The following PLEKHG4B variants were observed in gnomAD, a reference collection of about 807,000 sequenced individuals.
PLEKHG4B encodes pleckstrin homology and RhoGEF domain containing G4B.
Under a neutral mutation model 121.3 loss-of-function variants are expected in PLEKHG4B, and 111 were observed. That is an observed-to-expected ratio of 0.92 (90% CI 0.78 to 1.07). The LOEUF (loss-of-function observed/expected upper bound fraction) is 1.07, where lower values mean the gene tolerates loss of function less well. PLEKHG4B is among the 50% of genes least tolerant of loss of function. The probability of loss-of-function intolerance (pLI) is 0.00; values close to 1 mark genes in which losing one functional copy is unlikely to be tolerated. For missense variants in PLEKHG4B, 1,831 were observed against 1,757.8 expected (o/e 1.04, Z -0.74); for synonymous variants, 738 against 725.0 (o/e 1.02, Z -0.29).
At chr5:150,878 T>C (rs1457003355) in intron 6 of PLEKHG4B, among the ~76,000 whole-genome samples, 1 of 152,242 alleles carries the variant, frequency 6.6e-6, no homozygotes, top group African/African-American at 2.4e-5. Context: ...TGAAAACTTG[T>C]GTTCACACAA....
At chr5:161,460 C>T (rs2126434167) in intron 11 of PLEKHG4B, among the ~76,000 whole-genome samples, 1 of 152,390 alleles carries the variant, frequency 6.6e-6, no homozygotes, top group East Asian at 1.9e-4. Context: ...CGCAGCCAGG[C>T]TGTCAGCCCT....
chr5:102,830 G>T (rs996378090), intron 1 of PLEKHG4B, among the ~76,000 whole-genome samples: 5 of 152,190 alleles, frequency 3.3e-5, no homozygotes, highest in Non-Finnish European at 1.5e-5. Context: ...AACTCCTAGG[G>T]TGCTCACGGA....
intron 1 of PLEKHG4B, among the ~76,000 whole-genome samples, chr5:101,361 G>A (rs1182138581): frequency 2.4e-5 from 3 of 123,986 alleles, no homozygotes; most frequent in African/African-American, 8.0e-5. Context: ...CTGTAGGGGA[G>A]AGACTGTTGT....
At chr5:109,326 G>T (rs1734066741) in intron 1 of PLEKHG4B, among the ~76,000 whole-genome samples, 1 of 151,154 alleles carries the variant, frequency 6.6e-6, no homozygotes, top group African/African-American at 2.4e-5. Context: ...GAACCCGGGA[G>T]GTGGAGGTTG....
At chr5:119,346 T>C (rs755225772) in intron 2 of PLEKHG4B, among the ~76,000 whole-genome samples, 2 of 152,220 alleles carry the variant, frequency 1.3e-5, no homozygotes, top group Admixed American at 6.5e-5. Flanking sequence ...ACTAAGCTTG[T>C]GGGAGTTATT....
At chr5:147,799 T>C (rs1337224655) in intron 6 of PLEKHG4B, among the ~76,000 whole-genome samples, 2 of 152,198 alleles carry the variant, frequency 1.3e-5, no homozygotes, top group African/African-American at 4.8e-5. Flanking sequence ...AAGAAAACTG[T>C]AGAGCAATAT....
chr5:111,037 T>C (rs1363526752), intron 1 of PLEKHG4B, among the ~76,000 whole-genome samples: 2 of 152,192 alleles, frequency 1.3e-5, no homozygotes, highest in African/African-American at 4.8e-5. Context: ...TGGCCAGGCT[T>C]ACACTCCTTC....
In PLEKHG4B at chr5:182,353, T is replaced by G. The variant is rs770238417; in HGVS notation, c.*30T>G. The G allele has an allele frequency of 2.6e-6, 4 of 1,554,870 alleles. No homozygotes were observed. The highest frequency in any genetic ancestry group is 3.5e-6 in the Non-Finnish European group (4 of 1,152,964). On this transcript the variant is annotated 3_prime_UTR_variant, in exon 20 of 20. Transcript: ENST00000637938. ...TGTCAGGGTGGCAGTGCCCATCATG[T>G]GGCTAGAACAATACAGAGGGAGCAG...
chr5:144,472 T>C (rs973820002), intron 5 of PLEKHG4B, among the ~76,000 whole-genome samples: 1 of 152,212 alleles, frequency 6.6e-6, no homozygotes, highest in Non-Finnish European at 1.5e-5. Flanking sequence ...GTGCTTACGT[T>C]AAAGCCCAAA....
Position 189,624 on chromosome 5 carries a change from G to A in PLEKHG4B, c.*7301G>A, listed in dbSNP as rs1378159685. On this transcript the variant is annotated 3_prime_UTR_variant, in exon 20 of 20. Coordinates refer to ENST00000637938, the MANE Select transcript of PLEKHG4B (RefSeq NM_052909.5). ...CGGCGCCAGAGCTGGGCCTGAGTCT[G>A]ACCCAACCTGTGCTGAGTGGTCCTG... 6.6e-6 allele frequency: 1 copy of A among 152,258 alleles called. No homozygotes were observed. The highest frequency in any genetic ancestry group is 2.4e-5 in the African/African-American group (1 of 41,458). The allele number at this position is 152,258 out of a possible 1,614,324, so 9.4% of individuals were successfully genotyped here. A position where few individuals can be genotyped will look rare whatever the true frequency, so the allele number is the denominator to read the frequency against.
At position 164,449 on chromosome 5, in the gene PLEKHG4B, C is replaced by T. The variant is rs546707995; in HGVS notation, c.3476+901C>T. Among the ~76,000 whole-genome samples the T allele has an allele frequency of 4.8e-4, 60 of 125,638 alleles. 3 individuals carry two copies. The highest frequency in any genetic ancestry group is 3.8e-3 in the Admixed American group (52 of 13,516). 82.4% of individuals were successfully genotyped at this position (125,638 alleles called of 152,430 possible). ...CACCCAGTAATGCTGTGACAGGGGG[C>T]GGGGCTCACAGTAATGTTGTGACGG... On this transcript the variant is annotated intron_variant, in intron 13 of 19. Coordinates refer to ENST00000637938, the MANE Select transcript of PLEKHG4B (RefSeq NM_052909.5).
rs145236424 is a variant in PLEKHG4B at position 169,364 on chromosome 5, C to T, written c.3501C>T (p.Ala1167=). Residue 1167 remains alanine (A), a synonymous_variant, in exon 14 of 20, where the codon GCC becomes GCT. Coordinates refer to ENST00000637938, the MANE Select transcript of PLEKHG4B (RefSeq NM_052909.5). Reference sequence around the variant, plus strand: ...GCAGCCGACTGAGGCACATCATGGCCGAGATGATCGCCACAGAGAGGGAGT... The same window carrying T: ...GCAGCCGACTGAGGCACATCATGGCTGAGATGATCGCCACAGAGAGGGAGT... The part of the protein sequence containing the change: ...VGSSRLRHIM[A]EMIATEREYI... 2.0e-5 allele frequency: 32 copies of T among 1,613,948 alleles called. No homozygotes were observed. Among genetic ancestry groups the T allele is most frequent in the African/African-American group, 1.3e-4 (10 of 74,924 alleles).
At chr5:167,197 ACTGGGCCTCGGC>A (rs1346042419) in intron 13 of PLEKHG4B, among the ~76,000 whole-genome samples, 2 of 152,180 alleles carry the variant, frequency 1.3e-5, no homozygotes, top group Non-Finnish European at 2.9e-5. Flanking sequence ...GGGTCGTGAC[ACTGGGCCTCGGC>A]CTTCCCGCCA....
intron 2 of PLEKHG4B, among the ~76,000 whole-genome samples, chr5:133,941 C>CACACAT (rs34900477): frequency 1.1e-3 from 157 of 146,350 alleles, no homozygotes; most frequent in African/African-American, 3.9e-3. Context: ...CACACACACA[C>CACACAT]ATATATATAT....
chr5:116,497 A>G (rs917713150), intron 2 of PLEKHG4B, among the ~76,000 whole-genome samples: 5 of 152,258 alleles, frequency 3.3e-5, no homozygotes, highest in African/African-American at 1.2e-4. Flanking sequence ...GGAACACAGT[A>G]AAACAAGATA....
rs759710358 is a variant in PLEKHG4B at position 163,128 on chromosome 5, G to A, written c.3056G>A (p.Cys1019Tyr). The A allele has an allele frequency of 2.6e-6, 4 of 1,564,828 alleles. No individual in the cohort carries two copies. Among genetic ancestry groups the A allele is most frequent in the Non-Finnish European group, 3.5e-6 (4 of 1,155,386 alleles). The part of the protein sequence containing the change: ...LSGLPGRALL[C>Y]GQDGETLRPG... ...GGCCTCCCTGGACGAGCGCTTCTGT[G>A]TGGACAGGACGGGGAGACCCTGCGC... The change falls in exon 13 of 20, where the codon TGT (cysteine) becomes TAT (tyrosine). Residue 1019 changes from cysteine to tyrosine, a missense_variant. By Grantham distance (194) the Cys-to-Tyr change is radical. Coordinates refer to ENST00000637938, the MANE Select transcript of PLEKHG4B (RefSeq NM_052909.5).
intron 2 of PLEKHG4B, among the ~76,000 whole-genome samples, chr5:134,823 A>G (rs1734903161): frequency 6.6e-6 from 1 of 151,998 alleles, no homozygotes; most frequent in Admixed American, 6.6e-5. Flanking sequence ...AATTCATCAA[A>G]GTTGGAGGAT....
chr5:140,208 C>A lies in PLEKHG4B; in HGVS notation c.969C>A (p.Ala323=). 1.5e-6 allele frequency: 2 copies of A among 1,293,324 alleles called. No homozygotes were observed. Among genetic ancestry groups the A allele is most frequent in the Non-Finnish European group, 2.1e-6 (2 of 959,560 alleles). The allele number at this position is 1,293,324 out of a possible 1,614,324, so 80.1% of individuals were successfully genotyped here. ...TGGACCAGGAGGACAGACCCAAGGC[C>A]CTCACCTTCCACACAGACCTGGGCA... ...DPMDQEDRPK[A]LTFHTDLGIP... is the part of the protein sequence containing the mutation. Residue 323 remains alanine (A), a synonymous_variant, in exon 3 of 20, where the codon GCC becomes GCA. Transcript: ENST00000637938.
intron 2 of PLEKHG4B, among the ~76,000 whole-genome samples, chr5:124,349 A>G (rs1259252254): frequency 6.6e-6 from 1 of 152,226 alleles, no homozygotes; most frequent in Non-Finnish European, 1.5e-5. Context: ...AGGCAGAATA[A>G]TGACACTGCT....
Sources: gnomAD v4.1 joint callset for allele counts (sites outside exome capture counted in the v4.1 genomes callset) on GRCh38, gnomAD v4.1.1 for gene constraint, MANE v1.5 for transcripts, NCBI Gene and HGNC (gene_info 2026-07-23, HGNC 2026-07-21) for gene names.